LPP: variants seen among roughly 807,000 people sequenced by gnomAD.
LPP encodes the protein lipoma-preferred partner.
LPP carries 38 observed loss-of-function variants against 60.4 expected under a neutral mutation model. That is an observed-to-expected ratio of 0.63 (90% CI 0.49 to 0.83). The LOEUF is 0.83. Among genes scored for constraint, LPP ranks in the 40% least tolerant of loss-of-function variants. The pLI, the probability that LPP is intolerant of heterozygous loss-of-function variation, is 0.00. For missense variants in LPP, 902 were observed against 783.6 expected, an observed-to-expected ratio of 1.15 and a Z score of -1.80; for synonymous variants, 328 against 290.8, an observed-to-expected ratio of 1.13 and a Z score of -1.30.
chr3:188,445,788 A>G (rs1795094054), intron 4 of LPP, among the ~76,000 whole-genome samples: 1 of 152,218 alleles, frequency 6.6e-6, no homozygotes, highest in African/African-American at 2.4e-5. Context: ...ACAAATAAAT[A>G]TATAATAGCT....
chr3:188,319,050 G>A (rs1332504188), intron 2 of LPP, among the ~76,000 whole-genome samples: 1 of 152,118 alleles, frequency 6.6e-6, no homozygotes, highest in Non-Finnish European at 1.5e-5. Flanking sequence ...GAGCCACCGC[G>A]CCCGGCCAAA....
At chr3:188,740,084 C>T (rs1337030624) in intron 8 of LPP, among the ~76,000 whole-genome samples, 1 of 152,038 alleles carries the variant, frequency 6.6e-6, no homozygotes, top group East Asian at 1.9e-4. Context: ...GAAGGCCAGA[C>T]TGTATCCCCT....
intron 3 of LPP, among the ~76,000 whole-genome samples, chr3:188,363,247 T>G (rs1770055360): frequency 6.6e-6 from 1 of 152,180 alleles, no homozygotes; most frequent in Non-Finnish European, 1.5e-5. Context: ...AAAAGGCCTT[T>G]AACCTTTTCT....
At chr3:188,753,583 G>A (rs1191118253) in intron 8 of LPP, among the ~76,000 whole-genome samples, 1 of 120,896 alleles carries the variant, frequency 8.3e-6, no homozygotes, top group Non-Finnish European at 2.0e-5. Context: ...TTGTGTGCGT[G>A]TGTGTGTGTG....
chr3:188,710,946 T>TA (rs1208395327), intron 8 of LPP: 1 of 152,208 alleles, frequency 6.6e-6, no homozygotes, highest in Non-Finnish European at 1.5e-5. Context: ...TTATCTGTAA[T>TA]ATGGGAATAA....
chr3:188,203,053 TA>T (rs1048402663), intron 1 of LPP, among the ~76,000 whole-genome samples: 5 of 145,208 alleles, frequency 3.4e-5, no homozygotes, highest in African/African-American at 5.0e-5. Flanking sequence ...TTATTTATAA[TA>T]AAAATATTTA....
In LPP at chr3:188,885,499, T is replaced by C. The variant is rs1770551972; in HGVS notation, c.*11020T>C. ...AGACTAGAAAAGTGCCTCACCTCCA[T>C]GGTGTATATGTGCCACCTTTTCTTA... On this transcript the variant is annotated 3_prime_UTR_variant, in exon 12 of 12. Coordinates refer to ENST00000617246, the MANE Select transcript of LPP (RefSeq NM_001375462.1). 1 of 182,738 alleles carries C rather than the reference T, an allele frequency of 5.5e-6. No homozygotes were observed. The highest frequency in any genetic ancestry group is 1.2e-5 in the Non-Finnish European group (1 of 85,740). 11.3% of individuals were successfully genotyped at this position (182,738 alleles called of 1,614,324 possible).
At chr3:188,613,261 C>CCTATATCTATATCTATATAT (rs1844104706) in intron 7 of LPP, among the ~76,000 whole-genome samples, 2 of 117,336 alleles carry the variant, frequency 1.7e-5, no homozygotes, top group African/African-American at 6.1e-5. Flanking sequence ...TATATCTATA[C>CCTATATCTATATCTATATAT]CTATATCTAT....
chr3:188,398,901 C>T (rs1781582255), intron 3 of LPP, among the ~76,000 whole-genome samples: 1 of 152,108 alleles, frequency 6.6e-6, no homozygotes, highest in African/African-American at 2.4e-5. Context: ...GTCAGGGAAA[C>T]GGGTGACAGA....
At chr3:188,624,736 TTTCCC>T (rs1193804903) in intron 7 of LPP, among the ~76,000 whole-genome samples, 3 of 40,400 alleles carry the variant, frequency 7.4e-5, no homozygotes, top group Non-Finnish European at 1.5e-4. Flanking sequence ...TCCCTTTCCC[TTTCCC>T]TTCCCTTCCC....
chr3:188,875,381 T>C lies in LPP; in HGVS notation c.*902T>C, dbSNP rs1215294872. 1.4e-5 allele frequency: 3 copies of C among 218,010 alleles called. No homozygotes were observed. The East Asian group carries it at 2.0e-4, about 15-fold the overall frequency. The allele number at this position is 218,010 out of a possible 1,614,324, so 13.5% of individuals were successfully genotyped here. On this transcript the variant is annotated 3_prime_UTR_variant, in exon 12 of 12. Coordinates refer to ENST00000617246, the MANE Select transcript of LPP (RefSeq NM_001375462.1). ...GTCCCACTTCTCATCTTAAAAATATTGTCATGTTTATTCTAATATCCAACA... is the reference window on the plus strand; with the variant it reads ...GTCCCACTTCTCATCTTAAAAATATCGTCATGTTTATTCTAATATCCAACA...
chr3:188,586,590 C>T (rs1050405770), intron 6 of LPP, among the ~76,000 whole-genome samples: 3 of 152,150 alleles, frequency 2.0e-5, no homozygotes, highest in African/African-American at 7.2e-5. Flanking sequence ...AGGCAGCACC[C>T]ATTTTACTAA....
At chr3:188,602,181 T>TATATA (rs1841490428) in intron 6 of LPP, among the ~76,000 whole-genome samples, 1 of 134,996 alleles carries the variant, frequency 7.4e-6, no homozygotes, top group African/African-American at 2.7e-5. Flanking sequence ...ATATATTATA[T>TATATA]ATATATATGA....
chr3:188,485,783 C>T (rs1218725178), intron 5 of LPP, among the ~76,000 whole-genome samples: 20 of 46,128 alleles, frequency 4.3e-4, no homozygotes, highest in Admixed American at 2.1e-3. Context: ...GGCGACAGAG[C>T]GAGACTCCGT....
intron 9 of LPP, among the ~76,000 whole-genome samples, chr3:188,792,687 C>T (rs1744152495): frequency 6.6e-6 from 1 of 152,060 alleles, no homozygotes; most frequent in Admixed American, 6.6e-5. Flanking sequence ...AGTGAGAATA[C>T]ATTAGATTAA....
At chr3:188,537,771 A>G (rs1824032075) in intron 6 of LPP, among the ~76,000 whole-genome samples, 1 of 152,280 alleles carries the variant, frequency 6.6e-6, no homozygotes, top group Non-Finnish European at 1.5e-5. Flanking sequence ...CGGATGTTCA[A>G]GAGACCCAGA....
chr3:188,242,355 T>C (rs1295997244), intron 2 of LPP, among the ~76,000 whole-genome samples: 1 of 151,434 alleles, frequency 6.6e-6, no homozygotes, highest in Admixed American at 6.6e-5. Context: ...TTCAGGTCTA[T>C]ATTGTATTAT....
At chr3:188,460,407 T>C (rs1347495597) in intron 4 of LPP, among the ~76,000 whole-genome samples, 1 of 152,178 alleles carries the variant, frequency 6.6e-6, no homozygotes, top group African/African-American at 2.4e-5. Flanking sequence ...CTTAGCTTGG[T>C]ATTAAATATT....
At chr3:188,477,562 C>T (rs533811556) in intron 4 of LPP, among the ~76,000 whole-genome samples, 2 of 152,114 alleles carry the variant, frequency 1.3e-5, no homozygotes, top group Non-Finnish European at 2.9e-5. Flanking sequence ...TTCTCTTGGC[C>T]TTTGCTGTAA....
Sources: allele counts gnomAD v4.1 joint callset (sites outside exome capture counted in the v4.1 genomes callset), GRCh38; gene constraint gnomAD v4.1.1; transcripts MANE v1.5; gene names NCBI Gene and HGNC (gene_info 2026-07-23, HGNC 2026-07-21).